CDH18: variants seen among roughly 807,000 people sequenced by gnomAD.
CDH18 encodes the protein cadherin 18.
CDH18 carries 31 observed loss-of-function variants against 67.9 expected under a neutral mutation model. The ratio of observed to expected loss-of-function variants is 0.46; its 90% CI spans 0.34 to 0.62. The LOEUF (loss-of-function observed/expected upper bound fraction) is 0.62, where lower values mean the gene tolerates loss of function less well. CDH18 is among the 20% of genes least tolerant of loss of function. CDH18 has a pLI of 0.01. For synonymous variants in CDH18, 362 were observed against 347.2 expected (o/e 1.04, Z -0.48); for missense variants, 890 against 975.5 (o/e 0.91, Z 1.17).
At chr5:20,063,217 T>C (rs1472430488) in intron 2 of CDH18, among the ~76,000 whole-genome samples, 2 of 151,588 alleles carry the variant, frequency 1.3e-5, no homozygotes, top group Non-Finnish European at 2.9e-5. Context: ...TGGAGAAGTA[T>C]TTTATAAAAT....
intron 2 of CDH18, among the ~76,000 whole-genome samples, chr5:20,180,174 A>C (rs545856019): frequency 6.6e-6 from 1 of 152,266 alleles, no homozygotes; most frequent in South Asian, 2.1e-4. Context: ...CCTATTCCAG[A>C]AAAGCAGATG....
intron 2 of CDH18, among the ~76,000 whole-genome samples, chr5:20,103,499 G>A (rs1464496387): frequency 2.6e-5 from 4 of 151,572 alleles, no homozygotes; most frequent in Non-Finnish European, 2.9e-5. Flanking sequence ...ACCGAGGCAG[G>A]GAGATCACGA....
chr5:19,967,576 C>G (rs1227262152), intron 2 of CDH18, among the ~76,000 whole-genome samples: 2 of 152,082 alleles, frequency 1.3e-5, no homozygotes, highest in African/African-American at 2.4e-5. Flanking sequence ...CACATTCATA[C>G]TTATATAAAA....
chr5:19,979,297 G>A (rs1176103211), intron 2 of CDH18, among the ~76,000 whole-genome samples: 3 of 151,352 alleles, frequency 2.0e-5, no homozygotes, highest in African/African-American at 4.9e-5. Flanking sequence ...ACTTTAATTC[G>A]TATGAACAAT....
chr5:20,043,507 C>T (rs992697875), intron 2 of CDH18, among the ~76,000 whole-genome samples: 68 of 152,180 alleles, frequency 4.5e-4, no homozygotes, highest in African/African-American at 1.4e-3. Context: ...CTGCTCACCC[C>T]CTCCACAAAG....
At chr5:19,550,303 T>C (rs1286755703) in intron 8 of CDH18, among the ~76,000 whole-genome samples, 3 of 152,144 alleles carry the variant, frequency 2.0e-5, no homozygotes, top group East Asian at 3.9e-4. Context: ...AGTGTACATG[T>C]GCACAATGTG....
chr5:20,232,828 A>G (rs986207248), intron 2 of CDH18, among the ~76,000 whole-genome samples: 3 of 152,042 alleles, frequency 2.0e-5, no homozygotes, highest in African/African-American at 2.4e-5. Flanking sequence ...TGACAAACAA[A>G]AGGCTTTGGC....
In CDH18 at chr5:19,754,441, G is replaced by T. The variant is rs140939784; in HGVS notation, c.229-7205C>A. On this transcript the variant is annotated intron_variant, in intron 3 of 12. Transcript: ENST00000382275. ...GAGGGACATTATATAATGATAAAAG[G>T]CCTTGTCCAACAGGAAAATATCACA... 1.6e-3 allele frequency among the ~76,000 whole-genome samples: 239 copies of T among 152,230 alleles called. 1 individual carries two copies. The highest frequency in any genetic ancestry group is 5.1e-3 in the African/African-American group (213 of 41,550).
At chr5:20,125,132 A>C (rs967067321) in intron 2 of CDH18, among the ~76,000 whole-genome samples, 24 of 152,340 alleles carry the variant, frequency 1.6e-4, no homozygotes, top group African/African-American at 5.8e-4. Flanking sequence ...CTAAATAAAC[A>C]AGGATACTTC....
chr5:19,576,183 C>G (rs1742283202), intron 7 of CDH18, among the ~76,000 whole-genome samples: 1 of 151,872 alleles, frequency 6.6e-6, no homozygotes, highest in South Asian at 2.1e-4. Context: ...TGACATTGTT[C>G]TAGGCTGAGA....
chr5:19,994,736 TATAGAGAGAGAGAGAGAGAGAGAGAGAG>T (rs1264064226), intron 2 of CDH18, among the ~76,000 whole-genome samples: 8 of 8,958 alleles, frequency 8.9e-4, no homozygotes, highest in Admixed American at 2.5e-3. Context: ...TATATATATA[TATAGAGAGAGAGAGAGAGAGAGAGAGAG>T]AGAGAGAGAG....
rs565708840 is a variant in CDH18, at chr5:20,552,265, T to C, written c.-580+23197A>G. ...ACCGACATGGGCAGATCACTTGGGG[T>C]CAGGGGTTCAAGACCAGCATGGCCA... On this transcript the variant is annotated intron_variant, in intron 1 of 14. Transcript: ENST00000507958. Among the ~76,000 whole-genome samples the C allele has an allele frequency of 1.7e-3, 262 of 150,968 alleles. 1 individual carries two copies. The highest frequency in any genetic ancestry group is 6.3e-3 in the African/African-American group (258 of 41,138).
In CDH18 at chr5:20,295,596, G is replaced by A. The variant is rs529235739; in HGVS notation, c.-579-40091C>T. Among the ~76,000 whole-genome samples, 4 of 151,566 alleles carry A rather than the reference G, an allele frequency of 2.6e-5. No individual in the cohort carries two copies. The South Asian group carries it at 6.3e-4, about 24-fold the overall frequency. On this transcript the variant is annotated intron_variant, in intron 1 of 14. Coordinates refer to the CDH18 transcript ENST00000507958. ...ACAAAAATTAGTTGGGCATGGTGGC[G>A]TGCACCTGTAGTCCCGGCTACTCGG...
At chr5:19,803,563 A>T (rs72740831) in intron 3 of CDH18, among the ~76,000 whole-genome samples, 9,044 of 152,242 alleles carry the variant, frequency 0.059, 314 homozygotes, top group Non-Finnish European at 0.076. Flanking sequence ...ACTGGTCTAA[A>T]CCCATTATGG....
intron 1 of CDH18, among the ~76,000 whole-genome samples, chr5:20,497,524 C>A (rs924592740): frequency 6.6e-6 from 1 of 152,042 alleles, no homozygotes; most frequent in Non-Finnish European, 1.5e-5. Flanking sequence ...ATACTGTAGG[C>A]TTGTGGTAGG....
intron 1 of CDH18, among the ~76,000 whole-genome samples, chr5:20,541,625 G>A (rs1703064): frequency 0.44 from 66,752 of 151,578 alleles, 15,068 homozygotes; most frequent in East Asian, 0.57. Flanking sequence ...TATTTAATCA[G>A]GATAAAAATG....
intron 3 of CDH18, among the ~76,000 whole-genome samples, chr5:19,747,789 G>C (rs1378785694): frequency 1.3e-5 from 2 of 151,682 alleles, no homozygotes; most frequent in Non-Finnish European, 2.9e-5. Flanking sequence ...CTAATATAAA[G>C]GGCTTTGATG....
intron 2 of CDH18, among the ~76,000 whole-genome samples, chr5:20,066,511 G>T (rs1742988614): frequency 6.6e-6 from 1 of 151,990 alleles, no homozygotes; most frequent in Non-Finnish European, 1.5e-5. Flanking sequence ...CCTAGAGAAG[G>T]TTACTTTCAA....
chr5:19,509,756 C>T (rs1200339602), intron 10 of CDH18, among the ~76,000 whole-genome samples: 1 of 152,028 alleles, frequency 6.6e-6, no homozygotes, highest in Non-Finnish European at 1.5e-5. Flanking sequence ...AGAATAGACT[C>T]TCTTTATTTT....
Sources: gnomAD v4.1 joint callset for allele counts (sites outside exome capture counted in the v4.1 genomes callset) on GRCh38, gnomAD v4.1.1 for gene constraint, MANE v1.5 for transcripts, NCBI Gene and HGNC (gene_info 2026-07-23, HGNC 2026-07-21) for gene names.